TGM6: variants seen among roughly 807,000 people sequenced by gnomAD.
TGM6 encodes the protein transglutaminase 6.
A neutral mutation model predicts 77.5 loss-of-function variants in TGM6; 74 were observed. The ratio of observed to expected loss-of-function variants is 0.96; its 90% CI spans 0.79 to 1.16. The LOEUF (loss-of-function observed/expected upper bound fraction) is 1.16, where lower values mean the gene tolerates loss of function less well. TGM6 is among the 50% of genes most tolerant of loss of function. TGM6 has a pLI of 0.00. For synonymous variants in TGM6, 383 were observed against 378.9 expected, an observed-to-expected ratio of 1.01 and a Z score of -0.12; for missense variants, 968 against 940.2, an observed-to-expected ratio of 1.03 and a Z score of -0.39.
At chr20:2,410,889 A>G (rs2084780671) in intron 9 of TGM6, among the ~76,000 whole-genome samples, 2 of 152,248 alleles carry the variant, frequency 1.3e-5, no homozygotes, top group African/African-American at 4.8e-5. Context: ...ACACTTTCTT[A>G]CCAAAACTAT....
intron 1 of TGM6, among the ~76,000 whole-genome samples, chr20:2,384,185 T>C (rs2084577228): frequency 6.6e-6 from 1 of 151,566 alleles, no homozygotes. Flanking sequence ...ACCTGATGAA[T>C]AGGGAGACGT....
chr20:2,409,911 T>A (rs1018441338), intron 9 of TGM6, among the ~76,000 whole-genome samples: 2 of 152,080 alleles, frequency 1.3e-5, no homozygotes. Flanking sequence ...AAGAGAAGAA[T>A]CAAATTACTA....
At chr20:2,422,109 G>A (rs1459439925) in intron 10 of TGM6, among the ~76,000 whole-genome samples, 1 of 152,086 alleles carries the variant, frequency 6.6e-6, no homozygotes, top group Non-Finnish European at 1.5e-5. Flanking sequence ...TCCAGCCTGG[G>A]CGATAGAGCA....
At position 2,431,003 on chromosome 20, in the gene TGM6, T is replaced by G. The variant is rs2084920523; in HGVS notation, c.1943T>G (p.Leu648Arg). The change falls in exon 12 of 13, where the codon CTT becomes CGT. Residue 648 changes from leucine (L) to arginine (R), a missense_variant. Transcript: ENST00000202625. The stretch of plus-strand genomic sequence containing the variant: ...GCGCTGATGGTGGAGGGCAGCGGCC[T>G]TCTCCAGGAACAGCTCAGCATCGAG... ...DCALMVEGSGLLQEQLSIDVP... is the reference protein window; with the variant it reads ...DCALMVEGSGRLQEQLSIDVP... 1.9e-6 allele frequency: 3 copies of G among 1,613,946 alleles called. No homozygotes were observed. The African/African-American group carries it at 4.0e-5, about 22-fold the overall frequency.
At chr20:2,392,146 C>G (rs1032712770) in intron 1 of TGM6, among the ~76,000 whole-genome samples, 14 of 152,204 alleles carry the variant, frequency 9.2e-5, no homozygotes, top group African/African-American at 2.9e-4. Flanking sequence ...CCAGTCTTCT[C>G]CACTGGGCTA....
intron 1 of TGM6, among the ~76,000 whole-genome samples, chr20:2,385,694 C>T (rs988897705): frequency 6.6e-6 from 1 of 152,122 alleles, no homozygotes; most frequent in Non-Finnish European, 1.5e-5. Flanking sequence ...ACAGTCGGAG[C>T]GTGAGCAGCT....
In TGM6 at chr20:2,418,161, C is replaced by A. The variant is rs112522910; in HGVS notation, c.1678+588C>A. ...CTGAGTAGCTGGGACTACAGGCGTG[C>A]ACCACCACACCCAGATAATTTTTGT... On this transcript the variant is annotated intron_variant, in intron 10 of 12. Transcript: ENST00000202625. 6.6e-3 allele frequency among the ~76,000 whole-genome samples: 1,008 copies of A among 152,162 alleles called. 15 individuals are homozygous for A. Among genetic ancestry groups the A allele is most frequent in the African/African-American group, 0.023 (968 of 41,482 alleles).
At chr20:2,404,260 G>A (rs6132595) in intron 9 of TGM6, among the ~76,000 whole-genome samples, 23,140 of 152,154 alleles carry the variant, frequency 0.15, 1,914 homozygotes, top group East Asian at 0.25. Context: ...GGCCTGTGCC[G>A]TGATACCAAT....
intron 10 of TGM6, 78 bp from the exon 11 acceptor site, chr20:2,430,368 G>A: frequency 6.4e-7 from 1 of 1,565,070 alleles, no homozygotes. Flanking sequence ...GCTATTAGTT[G>A]TGCATTCCCT....
In TGM6 at chr20:2,421,128, G is replaced by A. The variant is rs190860313; in HGVS notation, c.1678+3555G>A. Among the ~76,000 whole-genome samples, 227 of 151,960 alleles carry A rather than the reference G, an allele frequency of 1.5e-3. 1 individual carries two copies. The highest frequency in any genetic ancestry group is 3.4e-3 in the Middle Eastern group (1 of 294). Reference sequence around the variant, plus strand: ...CAGCCTCTCGAGTAGCTGGGATTACGGGCACACACGACTACACCTAGTTAA... The same window carrying A: ...CAGCCTCTCGAGTAGCTGGGATTACAGGCACACACGACTACACCTAGTTAA... On this transcript the variant is annotated intron_variant, in intron 10 of 12. Coordinates refer to ENST00000202625, the MANE Select transcript of TGM6 (RefSeq NM_198994.3).
rs760984105 is a variant in TGM6 at position 2,396,601 on chromosome 20, G to T, written c.520G>T (p.Ala174Ser). ...CCGAGGCGTGGAGAAGCACATACGA[G>T]CCCAGGGCTGGAACTACGGGCAGGT... The part of the protein sequence containing the change: ...IFRGVEKHIR[A>S]QGWNYGQFEE... The change falls in exon 4 of 13, where the codon GCC becomes TCC. Residue 174 changes from alanine to serine, a missense_variant. Coordinates refer to ENST00000202625, the MANE Select transcript of TGM6 (RefSeq NM_198994.3). 1.2e-6 allele frequency: 2 copies of T among 1,614,228 alleles called. No individual in the cohort carries two copies. Among genetic ancestry groups the T allele is most frequent in the Admixed American group, 1.7e-5 (1 of 60,032 alleles).
chr20:2,407,870 G>A (rs531280482), intron 9 of TGM6, among the ~76,000 whole-genome samples: 2 of 152,238 alleles, frequency 1.3e-5, no homozygotes, highest in African/African-American at 4.8e-5. Flanking sequence ...CAGAGGCAAG[G>A]GGACAAAGAG....
chr20:2,394,718 G>C, intron 2 of TGM6, 93 bp downstream of exon 2: 1 of 1,388,090 alleles, frequency 7.2e-7, no homozygotes, highest in Non-Finnish European at 9.9e-7. Context: ...CAGCAGCTCA[G>C]GCTCTGGGGG....
chr20:2,430,167 T>A (rs2084915120), intron 10 of TGM6, among the ~76,000 whole-genome samples: 1 of 152,102 alleles, frequency 6.6e-6, no homozygotes, highest in Admixed American at 6.5e-5. Flanking sequence ...TGGGGGCTCT[T>A]GGAGAAATTA....
chr20:2,384,309 A>AC (rs142448851), intron 1 of TGM6, among the ~76,000 whole-genome samples: 3,047 of 152,002 alleles, frequency 0.02, 108 homozygotes, highest in African/African-American at 0.07. Context: ...TATAATTACT[A>AC]CCCCATTTAA....
intron 5 of TGM6, 62 bp downstream of exon 5, chr20:2,398,108 G>C: frequency 6.2e-7 from 1 of 1,613,330 alleles, no homozygotes; most frequent in Non-Finnish European, 8.5e-7. Context: ...CAACCCCGGG[G>C]CCACAACCTG....
rs191871903 is a variant in TGM6 at position 2,388,110 on chromosome 20, A to T, written c.8-6342A>T. On this transcript the variant is annotated intron_variant, in intron 1 of 12. Coordinates refer to ENST00000202625, the MANE Select transcript of TGM6 (RefSeq NM_198994.3). ...TTAGCCACAAGTCTTCCAGGTCCAG[A>T]GGGTGGGAATATATGCTTTACTTCT... 8.8e-4 allele frequency among the ~76,000 whole-genome samples: 134 copies of T among 152,282 alleles called. 1 individual carries two copies. Among genetic ancestry groups the T allele is most frequent in the Non-Finnish European group, 1.6e-3 (109 of 68,030 alleles).
chr20:2,432,318 G>T (rs1021871445), intron 12 of TGM6, among the ~76,000 whole-genome samples, 172 bp from the exon 13 acceptor site: 2 of 152,124 alleles, frequency 1.3e-5, no homozygotes, highest in Non-Finnish European at 2.9e-5. Flanking sequence ...AGTGTGCTGG[G>T]ATTACAGGAG....
Position 2,399,551 on chromosome 20 carries a change from C to T in TGM6, c.673-10C>T, listed in dbSNP as rs1200009257. The T allele has an allele frequency of 3.1e-6, 5 of 1,612,296 alleles. No homozygotes were observed. Among genetic ancestry groups the T allele is most frequent in the African/African-American group, 1.3e-5 (1 of 74,876 alleles). Reference sequence around the variant, plus strand: ...TGCCTGGTTGTGGACCCGTGCCCTCCTCTGCCCAGGTGAACAGCAACAACG... The same window carrying T: ...TGCCTGGTTGTGGACCCGTGCCCTCTTCTGCCCAGGTGAACAGCAACAACG... On this transcript the variant is annotated splice_polypyrimidine_tract_variant and intron_variant, in intron 5 of 12. Transcript: ENST00000202625.
Sources: allele counts gnomAD v4.1 joint callset (sites outside exome capture counted in the v4.1 genomes callset), GRCh38; gene constraint gnomAD v4.1.1; transcripts MANE v1.5; gene names NCBI Gene and HGNC (gene_info 2026-07-23, HGNC 2026-07-21).